CAPN11: variants seen among roughly 807,000 people sequenced by gnomAD.
CAPN11 encodes calpain-11.
Under a neutral mutation model 105.3 loss-of-function variants are expected in CAPN11, and 108 were observed. The ratio of observed to expected loss-of-function variants is 1.03; its 90% CI spans 0.88 to 1.20. The LOEUF (loss-of-function observed/expected upper bound fraction) is 1.20. Ranked by LOEUF, CAPN11 falls within the 50% of genes most tolerant of loss-of-function variation. The pLI is 0.00. For missense variants in CAPN11, 883 were observed against 924.8 expected, an observed-to-expected ratio of 0.95 and a Z score of 0.59; for synonymous variants, 329 against 344.5, an observed-to-expected ratio of 0.96 and a Z score of 0.50.
chr6:44,159,448 C>T (rs1482043615), intron 1 of CAPN11, among the ~76,000 whole-genome samples: 5 of 152,016 alleles, frequency 3.3e-5, no homozygotes, highest in Admixed American at 1.3e-4. Context: ...GGCTAGGGTG[C>T]ACAGAGGGCA....
chr6:44,164,654 G>A (rs1420624812), intron 1 of CAPN11, among the ~76,000 whole-genome samples: 5 of 152,172 alleles, frequency 3.3e-5, no homozygotes, highest in Non-Finnish European at 7.3e-5. Flanking sequence ...GGCTGAACAG[G>A]ACTTTTCCCC....
At chr6:44,182,175 CAT>C (rs1460360116) in intron 19 of CAPN11, among the ~76,000 whole-genome samples, 6 of 53,834 alleles carry the variant, frequency 1.1e-4, no homozygotes, top group Admixed American at 1.8e-4. Flanking sequence ...CTCACACACA[CAT>C]ACACACTCAC....
At chr6:44,161,023 AC>A (rs201287005) in intron 1 of CAPN11, among the ~76,000 whole-genome samples, 2,786 of 152,110 alleles carry the variant, frequency 0.018, 42 homozygotes, top group Non-Finnish European at 0.028. Flanking sequence ...GTTGGAACGT[AC>A]CCCTAGGGTT....
intron 2 of CAPN11, among the ~76,000 whole-genome samples, chr6:44,167,350 T>A (rs2128296089): frequency 6.6e-6 from 1 of 151,386 alleles, no homozygotes; most frequent in African/African-American, 2.4e-5. Context: ...AATACAAAAT[T>A]AGCCAGATGT....
At chr6:44,183,588 T>TTA in intron 21 of CAPN11, 117 bp from the exon 22 acceptor site, 1 of 936,880 alleles carries the variant, frequency 1.1e-6, no homozygotes, top group Non-Finnish European at 1.7e-6. Context: ...CTAGGGGATT[T>TTA]ATGTGGGGAA....
chr6:44,168,273 C>G (rs759240301), intron 2 of CAPN11, among the ~76,000 whole-genome samples: 9 of 152,010 alleles, frequency 5.9e-5, no homozygotes, highest in Non-Finnish European at 8.8e-5. Flanking sequence ...GGTTCTTTCT[C>G]TTTTTTTCTT....
At chr6:44,175,220 C>G (rs1411736610) in intron 7 of CAPN11, among the ~76,000 whole-genome samples, 32 of 152,316 alleles carry the variant, frequency 2.1e-4, no homozygotes, top group African/African-American at 7.5e-4. Context: ...TGCCTCACAC[C>G]TGCAATCCCA....
Position 44,172,187 on chromosome 6 carries a change from G to C in CAPN11, c.410-115G>C, listed in dbSNP as rs542161155. 6.6e-6 allele frequency: 4 copies of C among 602,582 alleles called. No homozygotes were observed. In the East Asian group the frequency reaches 1.2e-4, roughly 18 times the overall value. The allele number at this position is 602,582 out of a possible 1,614,324, so 37.3% of individuals were successfully genotyped here. On this transcript the variant is annotated intron_variant, in intron 4 of 22. Coordinates refer to ENST00000398776, the MANE Select transcript of CAPN11 (RefSeq NM_007058.4). ...CTGAGGGAGGGTGCCTCTCCGCCGG[G>C]GGGGTGAGAATGGGGTACAGGGTCA...
chr6:44,177,044 TG>T (rs1391758069), intron 11 of CAPN11, 46 bp downstream of exon 11: 2 of 1,592,450 alleles, frequency 1.3e-6, no homozygotes, highest in Admixed American at 1.7e-5. Flanking sequence ...GAGTGAAGGA[TG>T]GGCCACGGCT....
rs1485419582 is a variant in CAPN11 at position 44,182,925 on chromosome 6, C to T, written c.1939-16C>T. 1 of 1,587,480 alleles carries T rather than the reference C, an allele frequency of 6.3e-7. No individual in the cohort carries two copies. Among genetic ancestry groups the T allele is most frequent in the East Asian group, 2.3e-5 (1 of 44,432 alleles). ...TGCCATGCATGTGGCCCTACCATAT[C>T]TGTCTGTCTCTTCAGGACATCTTCA... On this transcript the variant is annotated splice_polypyrimidine_tract_variant and intron_variant, in intron 19 of 22. Transcript: ENST00000398776.
rs1179157175 is a variant in CAPN11 at position 44,176,748 on chromosome 6, G to A, written c.1077-90G>A. Reference sequence around the variant, plus strand: ...CTCCTCTCTGTGCCTTGGATGGGGAGGCTTGGGGTGGTTGTGGGGGGTGGT... The same window carrying A: ...CTCCTCTCTGTGCCTTGGATGGGGAAGCTTGGGGTGGTTGTGGGGGGTGGT... On this transcript the variant is annotated intron_variant, in intron 10 of 22. Coordinates refer to ENST00000398776, the MANE Select transcript of CAPN11 (RefSeq NM_007058.4). 3 of 1,577,258 alleles carry A rather than the reference G, an allele frequency of 1.9e-6. No homozygotes were observed. The East Asian group carries it at 6.7e-5, about 35-fold the overall frequency.
rs201532510 is a variant in CAPN11, at chr6:44,177,495, T to TC, written c.1416+75_1416+76insC. 858 of 1,229,976 alleles carry TC rather than the reference T, an allele frequency of 7.0e-4. 1 individual carries two copies. Among genetic ancestry groups the TC allele is most frequent in the Middle Eastern group, 1.2e-3 (4 of 3,342 alleles). 76.2% of individuals were successfully genotyped at this position (1,229,976 alleles called of 1,614,324 possible). ...TCACTCCTTTCTTTCTTTCTTTCTT[T>TC]TTTTTTTTTCGAGACAGAGTCTCAC... On this transcript the variant is annotated intron_variant, in intron 12 of 22. Coordinates refer to ENST00000398776, the MANE Select transcript of CAPN11 (RefSeq NM_007058.4).
chr6:44,171,894 C>CAT, intron 4 of CAPN11, among the ~76,000 whole-genome samples: 1 of 152,238 alleles, frequency 6.6e-6, no homozygotes, highest in East Asian at 1.9e-4. Flanking sequence ...GGTGAAACCC[C>CAT]ATCTCTACTA....
Position 44,169,286 on chromosome 6 carries a change from A to G in CAPN11, c.94A>G (p.Thr32Ala). The part of the protein sequence containing the change: ...DKPRGSCAEP[T>A]FTDTGMVAHI... ...TCTTTTTTTTTCTTAAGCAGAGCCC[A>G]CTTTTACTGATACGGGAATGGTGGC... Residue 32 changes from threonine to alanine, a missense_variant, in exon 3 of 23, where the codon ACT becomes GCT. Coordinates refer to ENST00000398776, the MANE Select transcript of CAPN11 (RefSeq NM_007058.4). The G allele has an allele frequency of 1.9e-6, 3 of 1,602,896 alleles. No individual in the cohort carries two copies. The highest frequency in any genetic ancestry group is 2.6e-6 in the Non-Finnish European group (3 of 1,175,266).
rs1360009839 is a variant in CAPN11 at position 44,176,568 on chromosome 6, A to G, written c.1002-13A>G. On this transcript the variant is annotated splice_polypyrimidine_tract_variant and intron_variant, in intron 9 of 22. Coordinates refer to ENST00000398776, the MANE Select transcript of CAPN11 (RefSeq NM_007058.4). ...CTCCGCCCCTCTCCTTCCACCGCCC[A>G]TCTCTGCTCCAGTGCCAGGGAGTGG... is the stretch of plus-strand genomic sequence containing the variant. The G allele has an allele frequency of 2.5e-6, 4 of 1,611,712 alleles. No homozygotes were observed. The Admixed American group carries it at 5.0e-5, about 20-fold the overall frequency.
chr6:44,159,258 GGGAACAGAGA>G (rs1266110880), intron 1 of CAPN11, among the ~76,000 whole-genome samples: 1 of 152,174 alleles, frequency 6.6e-6, no homozygotes, highest in Non-Finnish European at 1.5e-5. Context: ...GAAAACTTTA[GGGAACAGAGA>G]GAACCTCTCC....
intron 12 of CAPN11, 106 bp from the exon 13 acceptor site, chr6:44,179,513 A>AACACAC (rs1038234725): frequency 2.9e-6 from 3 of 1,019,730 alleles, no homozygotes; most frequent in Middle Eastern, 2.1e-4. Context: ...CCCCTCCAAC[A>AACACAC]ACACACACAC....
At chr6:44,158,989 A>C (rs1375207165) in intron 1 of CAPN11, 125 bp downstream of exon 1, 1 of 522,960 alleles carries the variant, frequency 1.9e-6, no homozygotes, top group African/African-American at 4.1e-5. Context: ...TGACTCTTCC[A>C]TCAGACTGGA....
At chr6:44,178,818 G>A (rs1043109712) in intron 12 of CAPN11, among the ~76,000 whole-genome samples, 22 of 150,188 alleles carry the variant, frequency 1.5e-4, no homozygotes, top group African/African-American at 5.2e-4. Flanking sequence ...AGCTACTCGA[G>A]AAGCTGAGGT....
Sources: allele counts gnomAD v4.1 joint callset (sites outside exome capture counted in the v4.1 genomes callset), GRCh38; gene constraint gnomAD v4.1.1; transcripts MANE v1.5; gene names NCBI Gene and HGNC (gene_info 2026-07-23, HGNC 2026-07-21).